NCAM2: variants seen among roughly 807,000 people sequenced by gnomAD.
The protein encoded by NCAM2 is neural cell adhesion molecule 2.
A neutral mutation model predicts 98.1 loss-of-function variants in NCAM2; 30 were observed. That is an observed-to-expected ratio of 0.31 (90% CI 0.23 to 0.41). NCAM2 has a LOEUF of 0.41. Among genes scored for constraint, NCAM2 ranks in the 10% least tolerant of loss-of-function variants. NCAM2 has a pLI of 1.00. For missense variants in NCAM2, 867 were observed against 1,005.8 expected (o/e 0.86, Z 1.87); for synonymous variants, 368 against 342.4 (o/e 1.07, Z -0.83).
intron 8 of NCAM2, among the ~76,000 whole-genome samples, chr21:21,363,730 A>T (rs1256735663): frequency 6.6e-6 from 1 of 151,722 alleles, no homozygotes; most frequent in Non-Finnish European, 1.5e-5. Context: ...TGTTTTAATT[A>T]TTTTTTTTAC....
At chr21:21,453,138 T>C (rs966596408) in intron 12 of NCAM2, among the ~76,000 whole-genome samples, 6 of 140,094 alleles carry the variant, frequency 4.3e-5, no homozygotes, top group Non-Finnish European at 7.6e-5. Flanking sequence ...ATATATAGTT[T>C]ATATATAATG....
chr21:21,510,784 C>T (rs1988323861), intron 16 of NCAM2, among the ~76,000 whole-genome samples: 1 of 151,850 alleles, frequency 6.6e-6, no homozygotes, highest in Non-Finnish European at 1.5e-5. Context: ...CATTTTTACT[C>T]TCATGGAAGT....
chr21:21,202,993 C>T (rs1463267716), intron 1 of NCAM2, among the ~76,000 whole-genome samples: 1 of 152,104 alleles, frequency 6.6e-6, no homozygotes, highest in Non-Finnish European at 1.5e-5. Flanking sequence ...AGTTGTTTGT[C>T]TCCAATTTCA....
At chr21:21,193,195 A>G (rs111728198) in intron 1 of NCAM2, among the ~76,000 whole-genome samples, 1 of 152,202 alleles carries the variant, frequency 6.6e-6, no homozygotes, top group African/African-American at 2.4e-5. Flanking sequence ...GTCTGCATCC[A>G]TAATAAGCAC....
At chr21:21,119,036 T>A (rs1005863958) in intron 1 of NCAM2, among the ~76,000 whole-genome samples, 1 of 152,214 alleles carries the variant, frequency 6.6e-6, no homozygotes, top group African/African-American at 2.4e-5. Flanking sequence ...GTTGTTTGTC[T>A]GTTTTACGTT....
chr21:21,524,629 G>T (rs1357642694), intron 16 of NCAM2, among the ~76,000 whole-genome samples: 4 of 151,886 alleles, frequency 2.6e-5, no homozygotes, highest in Admixed American at 6.6e-5. Context: ...AATAAAATCA[G>T]TAAGGACGTT....
chr21:21,183,532 G>A lies in NCAM2; in HGVS notation c.56-97046G>A, dbSNP rs184989197. On this transcript the variant is annotated intron_variant, in intron 1 of 17. Transcript: ENST00000400546. ...GACATGAGGAAATGGTAAGGGGAGA[G>A]ACCTTGTTAATCTTTTCACTGTCGT... 5.9e-5 allele frequency among the ~76,000 whole-genome samples: 9 copies of A among 152,230 alleles called. No individual in the cohort carries two copies. In the East Asian group the frequency reaches 7.7e-4, roughly 13 times the overall value.
intron 2 of NCAM2, among the ~76,000 whole-genome samples, chr21:21,281,434 A>G (rs2072925956): frequency 6.6e-6 from 1 of 152,304 alleles, no homozygotes; most frequent in East Asian, 1.9e-4. Context: ...TTATTTAGTC[A>G]GGAAAGCTTT....
At chr21:21,080,507 T>G (rs1382531816) in intron 1 of NCAM2, among the ~76,000 whole-genome samples, 1 of 151,648 alleles carries the variant, frequency 6.6e-6, no homozygotes, top group African/African-American at 2.4e-5. Flanking sequence ...TCCCAGCTAC[T>G]TGGGAAGCTG....
At chr21:21,099,016 C>T (rs936422023) in intron 1 of NCAM2, among the ~76,000 whole-genome samples, 5 of 151,768 alleles carry the variant, frequency 3.3e-5, no homozygotes, top group Non-Finnish European at 7.4e-5. Flanking sequence ...GTGATATGAC[C>T]ATCAGTGGAT....
At chr21:21,495,223 C>T (rs1218670827) in intron 15 of NCAM2, among the ~76,000 whole-genome samples, 1 of 151,764 alleles carries the variant, frequency 6.6e-6, no homozygotes, top group Non-Finnish European at 1.5e-5. Flanking sequence ...AGTATTTTAT[C>T]TTATTTAGTT....
At chr21:21,155,043 CAG>C (rs931100624) in intron 1 of NCAM2, among the ~76,000 whole-genome samples, 18 of 151,476 alleles carry the variant, frequency 1.2e-4, no homozygotes, top group African/African-American at 3.6e-4. Context: ...GAGGAAAAAA[CAG>C]GGGTAAATGC....
intron 5 of NCAM2, among the ~76,000 whole-genome samples, chr21:21,299,701 C>T (rs986797276): frequency 6.6e-6 from 1 of 151,670 alleles, no homozygotes; most frequent in Admixed American, 6.6e-5. Flanking sequence ...TATGACCTGC[C>T]TTATTGCAAG....
intron 1 of NCAM2, among the ~76,000 whole-genome samples, chr21:21,093,990 G>C (rs1387215543): frequency 6.6e-6 from 1 of 151,840 alleles, no homozygotes; most frequent in Non-Finnish European, 1.5e-5. Flanking sequence ...TCTTTTCTAA[G>C]AATTCTCGTC....
At chr21:21,276,741 A>C (rs2072743116) in intron 1 of NCAM2, among the ~76,000 whole-genome samples, 1 of 152,056 alleles carries the variant, frequency 6.6e-6, no homozygotes, top group Non-Finnish European at 1.5e-5. Context: ...AATTAGAGCA[A>C]ATCTGGTCTT....
intron 14 of NCAM2, among the ~76,000 whole-genome samples, chr21:21,475,469 A>G (rs1042864017): frequency 2.0e-5 from 3 of 152,282 alleles, no homozygotes; most frequent in South Asian, 2.1e-4. Context: ...TAAATAATTG[A>G]TGAATGAGTG....
chr21:21,272,225 G>A (rs1372837346), intron 1 of NCAM2, among the ~76,000 whole-genome samples: 2 of 152,142 alleles, frequency 1.3e-5, no homozygotes, highest in East Asian at 3.9e-4. Flanking sequence ...ACATTTTAAT[G>A]TGTGCTGCAA....
At chr21:21,495,257 G>T (rs1418069772) in intron 15 of NCAM2, among the ~76,000 whole-genome samples, 2 of 151,776 alleles carry the variant, frequency 1.3e-5, no homozygotes, top group Admixed American at 6.6e-5. Flanking sequence ...TATACCAATA[G>T]ACTTTAATTA....
chr21:21,350,138 T>G (rs575363505), intron 8 of NCAM2, among the ~76,000 whole-genome samples: 118 of 152,214 alleles, frequency 7.8e-4, no homozygotes, highest in South Asian at 5.6e-3. Context: ...AGTGCTTTTT[T>G]CACATTGCAT....
Sources: allele counts gnomAD v4.1 joint callset (sites outside exome capture counted in the v4.1 genomes callset), GRCh38; gene constraint gnomAD v4.1.1; transcripts MANE v1.5; gene names NCBI Gene and HGNC (gene_info 2026-07-23, HGNC 2026-07-21).